SMYD3: variants seen among roughly 807,000 people sequenced by gnomAD.
SMYD3 encodes the protein SET and MYND domain containing 3.
A neutral mutation model predicts 57.7 loss-of-function variants in SMYD3; 36 were observed. The ratio of observed to expected loss-of-function variants is 0.62; its 90% CI spans 0.48 to 0.82. SMYD3 has a LOEUF of 0.82. Among genes scored for constraint, SMYD3 ranks in the 40% least tolerant of loss-of-function variants. The probability of loss-of-function intolerance (pLI) is 0.00; values close to 1 mark genes in which losing one functional copy is unlikely to be tolerated. For synonymous variants in SMYD3, 211 were observed against 195.0 expected, an observed-to-expected ratio of 1.08 and a Z score of -0.68; for missense variants, 515 against 538.8, an observed-to-expected ratio of 0.96 and a Z score of 0.44.
In SMYD3 at chr1:245,804,234, G is replaced by A. The variant is rs567255725; in HGVS notation, c.1077-40085C>T. ...CTGAGTCAGTATCTTTCTTATTAAA[G>A]CACATACTCATGCATACACACACAA... On this transcript the variant is annotated intron_variant, in intron 10 of 11. Transcript: ENST00000490107. 3.9e-5 allele frequency among the ~76,000 whole-genome samples: 6 copies of A among 152,202 alleles called. No homozygotes were observed. In the East Asian group the frequency reaches 9.7e-4, roughly 25 times the overall value.
At chr1:245,886,635 A>G (rs2053098155) in intron 8 of SMYD3, among the ~76,000 whole-genome samples, 1 of 152,182 alleles carries the variant, frequency 6.6e-6, no homozygotes, top group African/African-American at 2.4e-5. Context: ...GGAGGAAGAA[A>G]GCTGCCATCA....
At chr1:246,239,330 G>C (rs1327001809) in intron 5 of SMYD3, among the ~76,000 whole-genome samples, 3 of 152,082 alleles carry the variant, frequency 2.0e-5, no homozygotes, top group Non-Finnish European at 4.4e-5. Flanking sequence ...TCCCACCTAT[G>C]AGTGAGAACA....
At chr1:246,502,900 C>T (rs571621331) in intron 1 of SMYD3, among the ~76,000 whole-genome samples, 21 of 152,292 alleles carry the variant, frequency 1.4e-4, no homozygotes, top group African/African-American at 4.6e-4. Flanking sequence ...GCTCCTCCAC[C>T]TCCTTCACAG....
intron 8 of SMYD3, among the ~76,000 whole-genome samples, chr1:245,880,930 G>A (rs1483964233): frequency 2.7e-4 from 41 of 152,114 alleles, no homozygotes; most frequent in Non-Finnish European, 4.4e-5. Context: ...AGTGTGCTGA[G>A]ATCAGCACTA....
At chr1:246,293,299 T>C (rs1461199467) in intron 5 of SMYD3, among the ~76,000 whole-genome samples, 2 of 152,188 alleles carry the variant, frequency 1.3e-5, no homozygotes, top group African/African-American at 4.8e-5. Context: ...GCTTGCTACC[T>C]CATCTACATG....
chr1:246,357,978 G>C (rs369021452), intron 1 of SMYD3, among the ~76,000 whole-genome samples: 1 of 152,076 alleles, frequency 6.6e-6, no homozygotes, highest in African/African-American at 2.4e-5. Flanking sequence ...TACTAACATT[G>C]ACTGTAAATG....
intron 5 of SMYD3, among the ~76,000 whole-genome samples, chr1:245,968,174 G>A (rs6694497): frequency 0.26 from 39,994 of 151,154 alleles, 5,981 homozygotes; most frequent in East Asian, 0.62. Context: ...TCAGAACAGC[G>A]TTAGACCACA....
At chr1:246,496,055 T>C (rs2068355476) in intron 1 of SMYD3, among the ~76,000 whole-genome samples, 1 of 152,022 alleles carries the variant, frequency 6.6e-6, no homozygotes, top group Admixed American at 6.6e-5. Context: ...GTTATTGTTT[T>C]GATATGGAGT....
At chr1:246,012,644 C>T (rs1572890288) in intron 5 of SMYD3, among the ~76,000 whole-genome samples, 1 of 152,288 alleles carries the variant, frequency 6.6e-6, no homozygotes, top group East Asian at 1.9e-4. Flanking sequence ...CCAAGTGCTA[C>T]TCTCCCCATA....
At chr1:246,427,858 G>GA (rs918127091) in intron 1 of SMYD3, among the ~76,000 whole-genome samples, 12 of 150,442 alleles carry the variant, frequency 8.0e-5, no homozygotes, top group Non-Finnish European at 1.2e-4. Flanking sequence ...TGTCTCAAGA[G>GA]AAAAAAAAAG....
chr1:245,966,226 C>T (rs748496069), intron 5 of SMYD3, among the ~76,000 whole-genome samples: 1 of 152,128 alleles, frequency 6.6e-6, no homozygotes, highest in Non-Finnish European at 1.5e-5. Flanking sequence ...GCCTGAAGTA[C>T]AGTGGTGCCA....
At chr1:245,787,607 G>A (rs901558008) in intron 10 of SMYD3, among the ~76,000 whole-genome samples, 2 of 148,316 alleles carry the variant, frequency 1.3e-5, no homozygotes, top group Non-Finnish European at 3.0e-5. Context: ...CTTTAGAAAA[G>A]TCTGATCCCA....
chr1:246,324,344 G>A (rs1467131098), intron 5 of SMYD3, among the ~76,000 whole-genome samples: 2 of 151,306 alleles, frequency 1.3e-5, no homozygotes, highest in African/African-American at 2.4e-5. Flanking sequence ...GAACCCGGGA[G>A]GCGGAGGTTG....
intron 1 of SMYD3, among the ~76,000 whole-genome samples, chr1:246,448,351 C>T (rs920499210): frequency 7.9e-5 from 12 of 152,220 alleles, no homozygotes; most frequent in African/African-American, 2.9e-4. Flanking sequence ...CTCTTCTCCT[C>T]ATCCTCTACT....
chr1:245,919,506 A>T (rs2055705493), intron 7 of SMYD3, among the ~76,000 whole-genome samples: 1 of 152,226 alleles, frequency 6.6e-6, no homozygotes, highest in Non-Finnish European at 1.5e-5. Context: ...CCTCAGAGAA[A>T]GCCACCCATT....
intron 10 of SMYD3, among the ~76,000 whole-genome samples, chr1:245,808,785 C>CA (rs1296834097): frequency 2.6e-5 from 4 of 151,812 alleles, no homozygotes; most frequent in Non-Finnish European, 4.4e-5. Flanking sequence ...ATTTGTGAGA[C>CA]AGAGTCTCAT....
chr1:245,908,201 T>A (rs989885785), intron 8 of SMYD3, among the ~76,000 whole-genome samples: 2 of 147,422 alleles, frequency 1.4e-5, no homozygotes, highest in East Asian at 2.0e-4. Context: ...TGAGCAGGAG[T>A]AGCTGTAGTG....
At chr1:245,980,911 G>A (rs1318959156) in intron 5 of SMYD3, among the ~76,000 whole-genome samples, 1 of 152,202 alleles carries the variant, frequency 6.6e-6, no homozygotes, top group Non-Finnish European at 1.5e-5. Context: ...ACTCGTCCCT[G>A]CCTTTCCAGT....
At chr1:246,224,204 C>T (rs1209648835) in intron 5 of SMYD3, among the ~76,000 whole-genome samples, 1 of 151,982 alleles carries the variant, frequency 6.6e-6, no homozygotes, top group Non-Finnish European at 1.5e-5. Context: ...ATGCTAAATC[C>T]TCCAAGGAGA....
Sources: allele counts gnomAD v4.1 joint callset (sites outside exome capture counted in the v4.1 genomes callset), GRCh38; gene constraint gnomAD v4.1.1; transcripts MANE v1.5; gene names NCBI Gene and HGNC (gene_info 2026-07-23, HGNC 2026-07-21).